The following TBC1D12 variants were observed in gnomAD, a reference collection of about 807,000 sequenced individuals.
TBC1D12 encodes the protein TBC1 domain family member 12.
In TBC1D12, 56 loss-of-function variants were observed where a neutral mutation model predicts 86.7. That is an observed-to-expected ratio of 0.65 (90% confidence interval 0.52 to 0.81). The LOEUF is 0.81. Ranked by LOEUF, TBC1D12 falls within the 30% of genes least tolerant of loss-of-function variation. The pLI is 0.00. For synonymous variants in TBC1D12, 421 were observed against 411.7 expected (o/e 1.02, Z -0.27); for missense variants, 1,023 against 1,038.8 (o/e 0.98, Z 0.21).
At chr10:94,498,755 C>T (rs1217698377) in intron 5 of TBC1D12, among the ~76,000 whole-genome samples, 1 of 151,132 alleles carries the variant, frequency 6.6e-6, no homozygotes. Flanking sequence ...TGCACCCTAC[C>T]GTGATGTGTT....
chr10:94,471,716 A>AT (rs1395404185), intron 2 of TBC1D12, among the ~76,000 whole-genome samples: 2 of 152,158 alleles, frequency 1.3e-5, no homozygotes, highest in Non-Finnish European at 2.9e-5. Context: ...GATATACTTT[A>AT]TTTTTTGTTG....
intron 1 of TBC1D12, among the ~76,000 whole-genome samples, chr10:94,411,056 A>G (rs1217074384): frequency 6.6e-6 from 1 of 152,206 alleles, no homozygotes; most frequent in African/African-American, 2.4e-5. Flanking sequence ...AATGAGAGGC[A>G]TGCCAGAGAT....
chr10:94,439,245 T>C (rs2055346669), intron 1 of TBC1D12, among the ~76,000 whole-genome samples: 1 of 152,228 alleles, frequency 6.6e-6, no homozygotes, highest in South Asian at 2.1e-4. Context: ...CAACTTTTTC[T>C]TTTGTAGATC....
chr10:94,455,014 T>C (rs1392406401), intron 2 of TBC1D12, among the ~76,000 whole-genome samples: 2 of 152,116 alleles, frequency 1.3e-5, no homozygotes, highest in Admixed American at 6.6e-5. Flanking sequence ...TAGCTATGGG[T>C]TTTTTGTAGA....
chr10:94,510,216 A>G (rs1350593423), intron 8 of TBC1D12, 37 bp downstream of exon 8: 2 of 1,427,946 alleles, frequency 1.4e-6, no homozygotes, highest in Non-Finnish European at 9.5e-7. Context: ...TACTTAAAAA[A>G]AATCTATCAA....
intron 2 of TBC1D12, among the ~76,000 whole-genome samples, chr10:94,467,476 C>T (rs940928271): frequency 6.6e-6 from 1 of 152,226 alleles, no homozygotes; most frequent in Non-Finnish European, 1.5e-5. Context: ...AGGTGAGCCG[C>T]CCGCCTTGGC....
chr10:94,492,414 C>A (rs2056258563), intron 3 of TBC1D12, among the ~76,000 whole-genome samples: 1 of 152,126 alleles, frequency 6.6e-6, no homozygotes, highest in African/African-American at 2.4e-5. Flanking sequence ...TACTATATAA[C>A]CCAAGACTTT....
At chr10:94,451,149 T>C (rs549393598) in intron 2 of TBC1D12, among the ~76,000 whole-genome samples, 1 of 152,104 alleles carries the variant, frequency 6.6e-6, no homozygotes, top group East Asian at 1.9e-4. Flanking sequence ...TTACCAATAA[T>C]ATACAGTTTT....
intron 3 of TBC1D12, among the ~76,000 whole-genome samples, chr10:94,486,881 A>G (rs2056170655): frequency 6.6e-6 from 1 of 152,198 alleles, no homozygotes; most frequent in Admixed American, 6.5e-5. Flanking sequence ...TCTATCTGGA[A>G]GATATGCTGA....
intron 11 of TBC1D12, among the ~76,000 whole-genome samples, chr10:94,525,852 GGTACATAGTGATGTTTCT>G (rs1224845554): frequency 6.6e-6 from 1 of 151,656 alleles, no homozygotes; most frequent in African/African-American, 2.4e-5. Flanking sequence ...ATATCCATGG[GGTACATAGTGATGTTTCT>G]GTACATATAA....
At chr10:94,425,124 C>T (rs1431000240) in intron 1 of TBC1D12, among the ~76,000 whole-genome samples, 1 of 152,208 alleles carries the variant, frequency 6.6e-6, no homozygotes, top group African/African-American at 2.4e-5. Flanking sequence ...GCAAGAATTA[C>T]TCCTCTGGCA....
chr10:94,413,738 GT>G (rs1257522328), intron 1 of TBC1D12, among the ~76,000 whole-genome samples: 1,908 of 144,102 alleles, frequency 0.013, 51 homozygotes, highest in African/African-American at 0.045. Flanking sequence ...GGCTTTTCAG[GT>G]TTTTTTTTTT....
At position 94,414,813 on chromosome 10, in the gene TBC1D12, C is replaced by T. The variant is rs566338354; in HGVS notation, c.971+11229C>T. On this transcript the variant is annotated intron_variant, in intron 1 of 12. Transcript: ENST00000225235. Reference sequence around the variant, plus strand: ...TGGGGCTTCACCATGTTGGCCAGGGCGGTCTCGAACTCCTGACCTGAAGTG... The same window carrying T: ...TGGGGCTTCACCATGTTGGCCAGGGTGGTCTCGAACTCCTGACCTGAAGTG... Among the ~76,000 whole-genome samples the T allele has an allele frequency of 1.2e-4, 19 of 152,098 alleles. No individual in the cohort carries two copies. In the South Asian group the frequency reaches 2.7e-3, roughly 22 times the overall value.
intron 1 of TBC1D12, among the ~76,000 whole-genome samples, chr10:94,408,374 A>G (rs1387013314): frequency 6.6e-6 from 1 of 152,176 alleles, no homozygotes; most frequent in Non-Finnish European, 1.5e-5. Flanking sequence ...TTGTGGCAAA[A>G]GCTATTTTCA....
intron 3 of TBC1D12, among the ~76,000 whole-genome samples, chr10:94,478,716 A>G (rs1403568310): frequency 1.3e-5 from 2 of 152,222 alleles, no homozygotes; most frequent in African/African-American, 2.4e-5. Context: ...TTTAAAATCC[A>G]TGGAGTTTAG....
At chr10:94,451,674 A>G (rs1223519311) in intron 2 of TBC1D12, among the ~76,000 whole-genome samples, 2 of 152,122 alleles carry the variant, frequency 1.3e-5, no homozygotes, top group African/African-American at 4.8e-5. Flanking sequence ...GTCTGCTTAT[A>G]TCAAATATTA....
chr10:94,442,884 G>C (rs527838264), intron 2 of TBC1D12, among the ~76,000 whole-genome samples: 4 of 152,178 alleles, frequency 2.6e-5, no homozygotes, highest in African/African-American at 9.6e-5. Context: ...AAGAAAAACT[G>C]GTTTTCCAAG....
chr10:94,516,772 A>T (rs1266764965), intron 9 of TBC1D12, among the ~76,000 whole-genome samples: 1 of 152,086 alleles, frequency 6.6e-6, no homozygotes, highest in Admixed American at 6.5e-5. Context: ...GAAGACTGTT[A>T]ACTACTTGAG....
chr10:94,525,781 T>C lies in TBC1D12; in HGVS notation c.2000+3328T>C, dbSNP rs1842272186. ...TGGTTTAATGGAATTAAGATTTCTT[T>C]TTCTTTTCACTCTTTTGAAGTTTTA... On this transcript the variant is annotated intron_variant, in intron 11 of 12. Transcript: ENST00000225235. 4.6e-5 allele frequency among the ~76,000 whole-genome samples: 7 copies of C among 152,310 alleles called. No homozygotes were observed. The South Asian group carries it at 1.2e-3, about 27-fold the overall frequency.
Sources: allele counts gnomAD v4.1 joint callset (sites outside exome capture counted in the v4.1 genomes callset), GRCh38; gene constraint gnomAD v4.1.1; transcripts MANE v1.5; gene names NCBI Gene and HGNC (gene_info 2026-07-23, HGNC 2026-07-21).